DLG2: variants seen among roughly 807,000 people sequenced by gnomAD.
DLG2 encodes disks large homolog 2.
A neutral mutation model predicts 132.5 loss-of-function variants in DLG2; 45 were observed. The ratio of observed to expected loss-of-function variants is 0.34; its 90% CI spans 0.27 to 0.44. DLG2 has a LOEUF of 0.44. DLG2 is among the 20% of genes least tolerant of loss of function. The pLI is 1.00. For missense variants in DLG2, 1,045 were observed against 1,196.9 expected, an observed-to-expected ratio of 0.87 and a Z score of 1.87; for synonymous variants, 424 against 419.6, an observed-to-expected ratio of 1.01 and a Z score of -0.13.
chr11:85,456,056 G>C (rs777935802), intron 3 of DLG2, among the ~76,000 whole-genome samples: 5 of 152,134 alleles, frequency 3.3e-5, no homozygotes, highest in Non-Finnish European at 7.4e-5. Flanking sequence ...AGTGGTACTA[G>C]CTCTTCTTTA....
chr11:84,430,527 G>A (rs981311939), intron 7 of DLG2, among the ~76,000 whole-genome samples: 2 of 151,960 alleles, frequency 1.3e-5, no homozygotes, highest in African/African-American at 4.8e-5. Flanking sequence ...AAATGAGATG[G>A]TATGTGTAAA....
intron 7 of DLG2, among the ~76,000 whole-genome samples, chr11:84,501,435 C>A (rs2099204805): frequency 6.6e-6 from 1 of 152,096 alleles, no homozygotes; most frequent in Non-Finnish European, 1.5e-5. Flanking sequence ...CATAGTGGTG[C>A]ATGCCTGTAG....
intron 16 of DLG2, among the ~76,000 whole-genome samples, chr11:83,864,288 T>C (rs987282452): frequency 6.6e-6 from 1 of 152,226 alleles, no homozygotes; most frequent in African/African-American, 2.4e-5. Flanking sequence ...TGAATTACTA[T>C]AATTTTCAAC....
intron 6 of DLG2, among the ~76,000 whole-genome samples, chr11:84,970,598 G>C (rs1001995809): frequency 1.3e-5 from 2 of 152,096 alleles, no homozygotes; most frequent in Non-Finnish European, 1.5e-5. Flanking sequence ...TAGCAGAAGA[G>C]GTGAAACACC....
At position 83,843,949 on chromosome 11, in the gene DLG2, G is replaced by C. The variant is rs1251573228; in HGVS notation, c.1566-10179C>G. Among the ~76,000 whole-genome samples, 3 of 152,154 alleles carry C rather than the reference G, an allele frequency of 2.0e-5. No individual in the cohort carries two copies. The East Asian group carries it at 5.8e-4, about 29-fold the overall frequency. On this transcript the variant is annotated intron_variant, in intron 16 of 27. Coordinates refer to ENST00000376104, the MANE Select transcript of DLG2 (RefSeq NM_001142699.3). ...TACTTTTAAATGCTTGGCTAAGCTTGCAAGTAAGAGAAATCTTCAGAGGAT... is the reference window on the plus strand; with the variant it reads ...TACTTTTAAATGCTTGGCTAAGCTTCCAAGTAAGAGAAATCTTCAGAGGAT...
chr11:83,900,848 T>C (rs1298712996), intron 15 of DLG2, among the ~76,000 whole-genome samples: 1 of 152,128 alleles, frequency 6.6e-6, no homozygotes, highest in Non-Finnish European at 1.5e-5. Context: ...GTAGATCCAC[T>C]GACAGCTTGC....
intron 8 of DLG2, among the ~76,000 whole-genome samples, chr11:84,191,639 A>C (rs180781197): frequency 2.4e-4 from 37 of 152,346 alleles, no homozygotes; most frequent in Non-Finnish European, 4.6e-4. Flanking sequence ...CAAACCGTTT[A>C]TGACACTTTC....
chr11:84,078,286 C>T (rs2096855467), intron 10 of DLG2, among the ~76,000 whole-genome samples: 1 of 152,098 alleles, frequency 6.6e-6, no homozygotes, highest in South Asian at 2.1e-4. Flanking sequence ...AACTGAATTC[C>T]TTCCAAGTTA....
In DLG2 at chr11:85,571,827, G is replaced by T. The variant is rs138652124; in HGVS notation, c.40+26830C>A. On this transcript the variant is annotated intron_variant, in intron 3 of 27. Transcript: ENST00000376104. The stretch of plus-strand genomic sequence containing the variant: ...CTTTTGACTAATGTACCAGTACTGG[G>T]TTTACTATTTTAGTACTGTGTAAGT... 7.2e-3 allele frequency among the ~76,000 whole-genome samples: 1,093 copies of T among 152,180 alleles called. 44 individuals carry two copies. Among genetic ancestry groups the T allele is most frequent in the Admixed American group, 0.063 (962 of 15,262 alleles).
chr11:84,975,716 A>G (rs931531957), intron 6 of DLG2, among the ~76,000 whole-genome samples: 4 of 152,164 alleles, frequency 2.6e-5, no homozygotes, highest in Admixed American at 6.6e-5. Context: ...CTTCCCAGAC[A>G]TTTTCAAACC....
chr11:83,855,256 G>A (rs1020486153), intron 16 of DLG2, among the ~76,000 whole-genome samples: 2 of 152,210 alleles, frequency 1.3e-5, no homozygotes, highest in Admixed American at 1.3e-4. Context: ...AGATAGTTTG[G>A]TGGTTTCTTA....
intron 7 of DLG2, among the ~76,000 whole-genome samples, chr11:84,337,636 A>T (rs2098493176): frequency 6.6e-6 from 1 of 152,186 alleles, no homozygotes; most frequent in African/African-American, 2.4e-5. Context: ...AGTCTAAATG[A>T]CTATATAATT....
intron 18 of DLG2, among the ~76,000 whole-genome samples, chr11:83,747,024 A>G (rs557853179): frequency 4.6e-5 from 7 of 152,300 alleles, no homozygotes; most frequent in Non-Finnish European, 1.0e-4. Context: ...TCTTGAGCCA[A>G]GAAGAAAAGA....
chr11:84,517,251 C>T (rs1274817075), intron 7 of DLG2, among the ~76,000 whole-genome samples: 1 of 151,306 alleles, frequency 6.6e-6, no homozygotes, highest in African/African-American at 2.4e-5. Context: ...AACTATATAT[C>T]TGTTAAGGAA....
At chr11:83,657,624 T>C (rs921415513) in intron 18 of DLG2, among the ~76,000 whole-genome samples, 7 of 148,234 alleles carry the variant, frequency 4.7e-5, no homozygotes, top group Middle Eastern at 6.9e-3. Context: ...CTGCAAGATC[T>C]GCCTCCCGGG....
intron 3 of DLG2, among the ~76,000 whole-genome samples, chr11:85,412,758 C>CATAT (rs1365637440): frequency 2.6e-5 from 3 of 117,484 alleles, no homozygotes; most frequent in African/African-American, 1.1e-4. Flanking sequence ...CACACACACA[C>CATAT]ACATATATAT....
At chr11:85,507,039 C>A (rs1006944756) in intron 3 of DLG2, among the ~76,000 whole-genome samples, 1 of 152,078 alleles carries the variant, frequency 6.6e-6, no homozygotes, top group Non-Finnish European at 1.5e-5. Context: ...GTAACCCCTG[C>A]ATTTTTTGTT....
intron 3 of DLG2, among the ~76,000 whole-genome samples, chr11:85,373,565 G>A (rs1374683074): frequency 6.6e-6 from 1 of 152,076 alleles, no homozygotes; most frequent in African/African-American, 2.4e-5. Context: ...TGCCCATTGG[G>A]GTGGAGCCTC....
intron 7 of DLG2, among the ~76,000 whole-genome samples, chr11:84,354,425 C>A (rs529819944): frequency 4.6e-5 from 7 of 152,232 alleles, no homozygotes; most frequent in African/African-American, 1.7e-4. Flanking sequence ...CTACTATGTT[C>A]AGCTTTAATT....
Sources: gnomAD v4.1 joint callset for allele counts (sites outside exome capture counted in the v4.1 genomes callset) on GRCh38, gnomAD v4.1.1 for gene constraint, MANE v1.5 for transcripts, NCBI Gene and HGNC (gene_info 2026-07-23, HGNC 2026-07-21) for gene names.